The following BTBD9 variants were observed in gnomAD, a reference collection of about 807,000 sequenced individuals.
The protein encoded by BTBD9 is BTB/POZ domain-containing protein 9.
A neutral mutation model predicts 64.3 loss-of-function variants in BTBD9; 49 were observed. The observed-to-expected ratio is 0.76, with a 90% CI of 0.61 to 0.97. The LOEUF (loss-of-function observed/expected upper bound fraction) is 0.97. BTBD9 is among the 50% of genes least tolerant of loss of function. The pLI is 0.00. For missense variants in BTBD9, 598 were observed against 762.1 expected (o/e 0.78, Z 2.53); for synonymous variants, 260 against 274.7 (o/e 0.95, Z 0.53).
chr6:38,303,990 C>A (rs60500173), intron 7 of BTBD9, among the ~76,000 whole-genome samples: 7 of 146,458 alleles, frequency 4.8e-5, no homozygotes, highest in Non-Finnish European at 1.1e-4. Context: ...GCATACTATT[C>A]TTTCTACTTT....
At chr6:38,633,330 A>G (rs914161196) in intron 1 of BTBD9, among the ~76,000 whole-genome samples, 1 of 152,240 alleles carries the variant, frequency 6.6e-6, no homozygotes, top group African/African-American at 2.4e-5. Flanking sequence ...GCCACAAGCT[A>G]CAGACAAACA....
intron 6 of BTBD9, among the ~76,000 whole-genome samples, chr6:38,549,992 C>T (rs1219855918): frequency 1.3e-5 from 2 of 152,152 alleles, no homozygotes; most frequent in African/African-American, 2.4e-5. Context: ...ACCACTTTGT[C>T]CCTGCCTCAC....
intron 9 of BTBD9, among the ~76,000 whole-genome samples, chr6:38,239,207 CG>C (rs1763904034): frequency 6.6e-6 from 1 of 151,912 alleles, no homozygotes; most frequent in South Asian, 2.1e-4. Context: ...TTTGGGAGGC[CG>C]AGGTGGACAG....
intron 10 of BTBD9, 27 bp from the exon 11 acceptor site, chr6:38,175,209 T>G: frequency 6.2e-7 from 1 of 1,612,974 alleles, no homozygotes; most frequent in South Asian, 1.1e-5. Flanking sequence ...AAAGACCCCA[T>G]GAGTGAAGGG....
At chr6:38,406,332 T>C (rs967575825) in intron 6 of BTBD9, among the ~76,000 whole-genome samples, 1 of 152,136 alleles carries the variant, frequency 6.6e-6, no homozygotes, top group Non-Finnish European at 1.5e-5. Context: ...AGCCCGAGAA[T>C]TGATTGTGTG....
chr6:38,603,912 T>C lies in BTBD9; in HGVS notation c.-27-5791A>G, dbSNP rs536657485. On this transcript the variant is annotated intron_variant, in intron 1 of 10. Coordinates refer to ENST00000481247, the MANE Select transcript of BTBD9 (RefSeq NM_001099272.2). ...ATTTGAAGTAGTATTCCTTAAACTT[T>C]AAGTTAATATCGCTTGGGGAGATAA... 2.0e-5 allele frequency among the ~76,000 whole-genome samples: 3 copies of C among 152,304 alleles called. No individual in the cohort carries two copies. The East Asian group carries it at 5.8e-4, about 29-fold the overall frequency.
At chr6:38,311,602 T>C (rs1404371159) in intron 7 of BTBD9, among the ~76,000 whole-genome samples, 4 of 152,188 alleles carry the variant, frequency 2.6e-5, no homozygotes, top group African/African-American at 9.7e-5. Context: ...TATCTAAAAG[T>C]GGGATTGCTG....
chr6:38,337,837 A>G (rs1219071272), intron 7 of BTBD9, among the ~76,000 whole-genome samples: 1 of 151,832 alleles, frequency 6.6e-6, no homozygotes, highest in Non-Finnish European at 1.5e-5. Context: ...GGTTTCCCAG[A>G]CTCCCCTTAC....
intron 8 of BTBD9, among the ~76,000 whole-genome samples, chr6:38,260,522 G>A (rs963371069): frequency 6.6e-6 from 1 of 152,070 alleles, no homozygotes; most frequent in Non-Finnish European, 1.5e-5. Context: ...AAGAGGATAT[G>A]GGATATGGAG....
intron 9 of BTBD9, among the ~76,000 whole-genome samples, chr6:38,202,011 C>T (rs562820488): frequency 6.6e-6 from 1 of 151,916 alleles, no homozygotes; most frequent in Admixed American, 6.6e-5. Flanking sequence ...AATGACTGTA[C>T]TGCCCAAAAC....
chr6:38,194,757 T>A (rs1301882012), intron 9 of BTBD9, among the ~76,000 whole-genome samples: 1 of 151,718 alleles, frequency 6.6e-6, no homozygotes, highest in Non-Finnish European at 1.5e-5. Flanking sequence ...CCCTCCCCTA[T>A]CTCCCTTGCT....
intron 7 of BTBD9, among the ~76,000 whole-genome samples, chr6:38,334,734 T>A (rs1381433279): frequency 6.6e-6 from 1 of 152,128 alleles, no homozygotes; most frequent in East Asian, 1.9e-4. Flanking sequence ...CATACTACTA[T>A]ATGTATCCAT....
At chr6:38,569,869 TAA>T (rs143265608) in intron 6 of BTBD9, among the ~76,000 whole-genome samples, 5 of 141,304 alleles carry the variant, frequency 3.5e-5, no homozygotes, top group Admixed American at 2.1e-4. Flanking sequence ...ATTTCCCAAC[TAA>T]AAAAAAAAAG....
At chr6:38,190,764 G>C (rs1365184791) in intron 10 of BTBD9, among the ~76,000 whole-genome samples, 1 of 152,062 alleles carries the variant, frequency 6.6e-6, no homozygotes, top group African/African-American at 2.4e-5. Flanking sequence ...TCTTCATCTA[G>C]AATAGCTTTG....
chr6:38,424,932 A>G (rs1768079628), intron 6 of BTBD9, among the ~76,000 whole-genome samples: 1 of 151,258 alleles, frequency 6.6e-6, no homozygotes, highest in African/African-American at 2.4e-5. Context: ...TCCGCCACCC[A>G]GGTTCAAGCA....
intron 6 of BTBD9, among the ~76,000 whole-genome samples, chr6:38,366,540 G>A (rs979887625): frequency 2.6e-5 from 4 of 152,202 alleles, no homozygotes; most frequent in Admixed American, 6.5e-5. Context: ...CAGAACCCAA[G>A]AGTAAAATGA....
chr6:38,271,500 T>C (rs1765193546), intron 8 of BTBD9, among the ~76,000 whole-genome samples: 1 of 152,188 alleles, frequency 6.6e-6, no homozygotes, highest in Admixed American at 6.5e-5. Context: ...GGAAAGGAAC[T>C]GAATGGATTA....
chr6:38,606,239 T>C (rs1043832722), intron 1 of BTBD9, among the ~76,000 whole-genome samples: 5 of 152,190 alleles, frequency 3.3e-5, no homozygotes, highest in Middle Eastern at 6.3e-3. Flanking sequence ...GGGCCTATTG[T>C]GGGACTTCAC....
chr6:38,495,096 C>A (rs1331374426), intron 6 of BTBD9, among the ~76,000 whole-genome samples: 3 of 152,220 alleles, frequency 2.0e-5, no homozygotes, highest in Non-Finnish European at 2.9e-5. Flanking sequence ...AAGAATCATA[C>A]CTTTCACCGA....
Sources: gnomAD v4.1 joint callset for allele counts (sites outside exome capture counted in the v4.1 genomes callset) on GRCh38, gnomAD v4.1.1 for gene constraint, MANE v1.5 for transcripts, NCBI Gene and HGNC (gene_info 2026-07-23, HGNC 2026-07-21) for gene names.